The following MAGI2 variants were observed in gnomAD, a reference collection of about 807,000 sequenced individuals.
The protein encoded by MAGI2 is membrane-associated guanylate kinase, WW and PDZ domain-containing protein 2.
A neutral mutation model predicts 133.3 loss-of-function variants in MAGI2; 35 were observed. The observed-to-expected ratio is 0.26, with a 90% CI of 0.20 to 0.35. The LOEUF is 0.35. Among genes scored for constraint, MAGI2 ranks in the 10% least tolerant of loss-of-function variants. MAGI2 has a pLI of 1.00. For synonymous variants in MAGI2, 729 were observed against 710.6 expected, an observed-to-expected ratio of 1.03 and a Z score of -0.41; for missense variants, 1,636 against 1,863.4, an observed-to-expected ratio of 0.88 and a Z score of 2.25.
chr7:78,877,452 GT>G (rs1018242123), intron 2 of MAGI2, among the ~76,000 whole-genome samples: 7 of 152,168 alleles, frequency 4.6e-5, no homozygotes, highest in South Asian at 2.1e-4. Flanking sequence ...TTTTGAGGTA[GT>G]TTTTTCATTA....
At chr7:78,389,109 G>T (rs1441358994) in intron 6 of MAGI2, among the ~76,000 whole-genome samples, 1 of 152,132 alleles carries the variant, frequency 6.6e-6, no homozygotes, top group East Asian at 1.9e-4. Flanking sequence ...ATAAATAAAA[G>T]ATGAAGAACA....
chr7:78,467,563 C>G (rs1790762533), intron 6 of MAGI2, among the ~76,000 whole-genome samples: 1 of 151,196 alleles, frequency 6.6e-6, no homozygotes, highest in Non-Finnish European at 1.5e-5. Flanking sequence ...GTATTATTGG[C>G]AGAGTGATAT....
At chr7:78,928,542 C>T (rs1799881085) in intron 2 of MAGI2, among the ~76,000 whole-genome samples, 1 of 152,066 alleles carries the variant, frequency 6.6e-6, no homozygotes, top group Non-Finnish European at 1.5e-5. Flanking sequence ...ACTGCTGTCT[C>T]ACCCAATAGC....
intron 1 of MAGI2, among the ~76,000 whole-genome samples, chr7:79,303,603 A>T (rs965352182): frequency 6.6e-6 from 1 of 152,192 alleles, no homozygotes; most frequent in South Asian, 2.1e-4. Flanking sequence ...CTCAGAATTT[A>T]AGGTTGGTTT....
intron 1 of MAGI2, among the ~76,000 whole-genome samples, chr7:79,035,394 T>C (rs1339127187): frequency 6.6e-6 from 1 of 152,190 alleles, no homozygotes. Flanking sequence ...ATTGTGGAAC[T>C]GGGTTTATCT....
intron 1 of MAGI2, among the ~76,000 whole-genome samples, chr7:79,021,672 C>T (rs1025610065): frequency 1.3e-5 from 2 of 152,098 alleles, no homozygotes; most frequent in South Asian, 2.1e-4. Flanking sequence ...TTTACAGGCT[C>T]ATAGGTGGAA....
At chr7:79,420,810 C>G (rs1846903881) in intron 1 of MAGI2, among the ~76,000 whole-genome samples, 1 of 151,994 alleles carries the variant, frequency 6.6e-6, no homozygotes, top group Admixed American at 6.6e-5. Flanking sequence ...AGCCTTTACT[C>G]TGACATCATA....
chr7:79,364,483 A>G (rs1192667554), intron 1 of MAGI2, among the ~76,000 whole-genome samples: 1 of 152,102 alleles, frequency 6.6e-6, no homozygotes, highest in Non-Finnish European at 1.5e-5. Flanking sequence ...ATTTTTACAT[A>G]CAAAATAAAT....
At chr7:78,055,848 T>C (rs7795883) in intron 21 of MAGI2, among the ~76,000 whole-genome samples, 7,109 of 152,258 alleles carry the variant, frequency 0.047, 201 homozygotes, top group African/African-American at 0.088. Flanking sequence ...GCATAATGTA[T>C]CAAATGAAGC....
intron 2 of MAGI2, among the ~76,000 whole-genome samples, chr7:78,769,517 A>AT (rs1825369134): frequency 6.6e-6 from 1 of 151,894 alleles, no homozygotes; most frequent in East Asian, 1.9e-4. Flanking sequence ...TTCAAGCGAG[A>AT]TTTAAAAAGG....
intron 21 of MAGI2, among the ~76,000 whole-genome samples, chr7:78,037,279 C>G (rs1014144685): frequency 2.6e-4 from 40 of 152,126 alleles, no homozygotes; most frequent in African/African-American, 9.2e-4. Flanking sequence ...GCTGCAAGCT[C>G]CTGGTTACTG....
intron 2 of MAGI2, among the ~76,000 whole-genome samples, chr7:78,633,115 A>G (rs1470515945): frequency 6.6e-6 from 1 of 152,232 alleles, no homozygotes; most frequent in Non-Finnish European, 1.5e-5. Context: ...GCTGGAGGCT[A>G]TTATCCTTAG....
chr7:78,635,371 G>A (rs571540649), intron 2 of MAGI2, among the ~76,000 whole-genome samples: 12 of 152,282 alleles, frequency 7.9e-5, no homozygotes, highest in Non-Finnish European at 1.5e-4. Context: ...TTCCTAGTTT[G>A]AGTAAAATAC....
intron 1 of MAGI2, among the ~76,000 whole-genome samples, chr7:79,104,056 T>C (rs1196531588): frequency 6.6e-6 from 1 of 152,186 alleles, no homozygotes; most frequent in Non-Finnish European, 1.5e-5. Context: ...TTATAGTTCA[T>C]CAAGCTGTGC....
At chr7:78,955,733 CTTTCTTTCTT>C (rs1562712905) in intron 2 of MAGI2, among the ~76,000 whole-genome samples, 553 of 49,208 alleles carry the variant, frequency 0.011, 12 homozygotes, top group Admixed American at 0.023. Context: ...CTCTTTCTTT[CTTTCTTTCTT>C]TCTTTCTTTC....
At chr7:78,364,099 G>A (rs759908775) in intron 7 of MAGI2, among the ~76,000 whole-genome samples, 1 of 152,046 alleles carries the variant, frequency 6.6e-6, no homozygotes, top group Non-Finnish European at 1.5e-5. Context: ...TACAGGGCTA[G>A]CACACTGTGC....
intron 1 of MAGI2, among the ~76,000 whole-genome samples, chr7:79,078,876 G>A (rs1285121596): frequency 1.3e-5 from 2 of 152,126 alleles, no homozygotes; most frequent in Non-Finnish European, 2.9e-5. Context: ...ATAAATCCAA[G>A]GGCCCCAAGT....
At chr7:79,230,159 T>C (rs1831237584) in intron 1 of MAGI2, among the ~76,000 whole-genome samples, 1 of 151,340 alleles carries the variant, frequency 6.6e-6, no homozygotes, top group African/African-American at 2.4e-5. Flanking sequence ...CCATGGTGTA[T>C]ATGTGCCACA....
At chr7:78,547,508 A>C (rs991954764) in intron 3 of MAGI2, among the ~76,000 whole-genome samples, 2 of 152,020 alleles carry the variant, frequency 1.3e-5, no homozygotes, top group Admixed American at 1.3e-4. Context: ...TCATTCATTC[A>C]TTCTTCATTC....
Sources: allele counts gnomAD v4.1 joint callset (sites outside exome capture counted in the v4.1 genomes callset), GRCh38; gene constraint gnomAD v4.1.1; transcripts MANE v1.5; gene names NCBI Gene and HGNC (gene_info 2026-07-23, HGNC 2026-07-21).